The following PCDHA8 variants were observed in gnomAD, a reference collection of about 807,000 sequenced individuals.
PCDHA8 encodes protocadherin alpha-8.
A neutral mutation model predicts 61.8 loss-of-function variants in PCDHA8; 53 were observed. The observed-to-expected ratio is 0.86, with a 90% CI of 0.69 to 1.08. The LOEUF (loss-of-function observed/expected upper bound fraction) is 1.08. Among genes scored for constraint, PCDHA8 ranks in the 50% least tolerant of loss-of-function variants. The pLI, the probability that PCDHA8 is intolerant of heterozygous loss-of-function variation, is 0.00. For missense variants in PCDHA8, 1,293 were observed against 1,245.0 expected (o/e 1.04, Z -0.58); for synonymous variants, 618 against 556.6 (o/e 1.11, Z -1.55).
intron 3 of PCDHA8, among the ~76,000 whole-genome samples, chr5:140,991,132 TAA>T (rs1345264253): frequency 2.0e-5 from 3 of 152,230 alleles, no homozygotes; most frequent in Non-Finnish European, 4.4e-5. Flanking sequence ...ACACAGCTAG[TAA>T]AAATGTTTTT....
At position 140,853,718 on chromosome 5, in the gene PCDHA8, C is replaced by T. The variant is rs1472931739; in HGVS notation, c.2394+10003C>T. ...TGCTAACGCATTAGCATTAGCAGCA[C>T]CTAAGTCCTCATTGAATGTTCTGGT... is the stretch of plus-strand genomic sequence containing the variant. On this transcript the variant is annotated intron_variant, in intron 1 of 3. Transcript: ENST00000531613. 3 of 988,280 alleles carry T rather than the reference C, an allele frequency of 3.0e-6. No homozygotes were observed. The African/African-American group carries it at 5.3e-5, about 17-fold the overall frequency. 61.2% of individuals were successfully genotyped at this position (988,280 alleles called of 1,614,324 possible).
At chr5:140,981,849 T>C (rs1460050544) in intron 2 of PCDHA8, among the ~76,000 whole-genome samples, 2 of 152,202 alleles carry the variant, frequency 1.3e-5, no homozygotes, top group African/African-American at 4.8e-5. Flanking sequence ...AGTTTGTATC[T>C]CACTCCCAGC....
intron 1 of PCDHA8, among the ~76,000 whole-genome samples, chr5:140,954,580 T>C (rs1193569920): frequency 1.3e-5 from 2 of 152,174 alleles, no homozygotes; most frequent in African/African-American, 4.8e-5. Flanking sequence ...TTTTCAGAAG[T>C]GTCTGTTCAT....
rs2042381743 is a variant in PCDHA8 at position 140,852,581 on chromosome 5, T to A, written c.2394+8866T>A. ...GTGAGCCACTGTGCCAAGGCTTTTTTATTTTTTTTTTTTGTCATTTTCTTT... is the reference window on the plus strand; with the variant it reads ...GTGAGCCACTGTGCCAAGGCTTTTTAATTTTTTTTTTTTGTCATTTTCTTT... On this transcript the variant is annotated intron_variant, in intron 1 of 3. Transcript: ENST00000531613. 5 of 832,294 alleles carry A rather than the reference T, an allele frequency of 6.0e-6. 1 individual carries two copies. The highest frequency in any genetic ancestry group is 7.4e-6 in the Non-Finnish European group (5 of 678,338). 51.6% of individuals were successfully genotyped at this position (832,294 alleles called of 1,614,324 possible). A position where few individuals can be genotyped will look rare whatever the true frequency, so the allele number is the denominator to read the frequency against.
At position 140,850,869 on chromosome 5, in the gene PCDHA8, T is replaced by C. The variant is rs1204218607; in HGVS notation, c.2394+7154T>C. 3.3e-5 allele frequency: 52 copies of C among 1,591,956 alleles called. 5 individuals carry two copies. The highest frequency in any genetic ancestry group is 4.2e-5 in the Non-Finnish European group (49 of 1,163,508). ...AGAGCGAACGGGAGAACCCTCTGCT[T>C]CCTCAGATTCAACTGGGAAGGTGGG... On this transcript the variant is annotated intron_variant, in intron 1 of 3. Coordinates refer to ENST00000531613, the MANE Select transcript of PCDHA8 (RefSeq NM_018911.3).
intron 1 of PCDHA8, chr5:140,869,810 A>G: frequency 6.2e-7 from 1 of 1,612,624 alleles, no homozygotes; most frequent in South Asian, 1.1e-5. Context: ...TTGGATGTCA[A>G]CGACAATGAT....
chr5:140,943,831 A>T (rs1051741610), intron 1 of PCDHA8, among the ~76,000 whole-genome samples: 2 of 152,214 alleles, frequency 1.3e-5, no homozygotes, highest in African/African-American at 4.8e-5. Flanking sequence ...GAGTTGATTG[A>T]AGTTGTAAGA....
At chr5:140,871,536 A>G in intron 1 of PCDHA8, 1 of 1,507,188 alleles carries the variant, frequency 6.6e-7, no homozygotes, top group East Asian at 2.4e-5. Context: ...AGTGTATGTG[A>G]AATTATTTAA....
intron 1 of PCDHA8, among the ~76,000 whole-genome samples, chr5:140,944,325 T>C (rs1179163685): frequency 1.3e-5 from 2 of 152,196 alleles, no homozygotes; most frequent in East Asian, 3.9e-4. Context: ...GTAGCTGGGA[T>C]TACAAGCACG....
chr5:140,928,068 C>T (rs1554205429), intron 1 of PCDHA8: 2 of 1,614,214 alleles, frequency 1.2e-6, no homozygotes, highest in Non-Finnish European at 1.7e-6. Context: ...CTTCCTTTGA[C>T]AACTACTACA....
chr5:140,973,481 G>A (rs537904841), intron 1 of PCDHA8, among the ~76,000 whole-genome samples: 2 of 152,208 alleles, frequency 1.3e-5, no homozygotes, highest in East Asian at 3.9e-4. Context: ...ATTTCATATT[G>A]GTCACAGGAC....
intron 3 of PCDHA8, among the ~76,000 whole-genome samples, chr5:140,992,543 T>G (rs1226407687): frequency 6.6e-6 from 1 of 152,186 alleles, no homozygotes; most frequent in African/African-American, 2.4e-5. Flanking sequence ...CTGTCACAAG[T>G]GATGCCAGGA....
At chr5:140,870,388 G>A (rs1487402100) in intron 1 of PCDHA8, 5 of 1,614,232 alleles carry the variant, frequency 3.1e-6, no homozygotes, top group Non-Finnish European at 4.2e-6. Context: ...TGCGCGGGAT[G>A]GGGGTTCGCC....
chr5:140,966,885 C>A (rs1554228854), intron 1 of PCDHA8: 1 of 1,590,816 alleles, frequency 6.3e-7, no homozygotes, highest in Admixed American at 1.7e-5. Flanking sequence ...CCTGGCCCTG[C>A]GGCCTCCCAG....
intron 3 of PCDHA8, among the ~76,000 whole-genome samples, chr5:140,989,263 A>G (rs2097334941): frequency 6.6e-6 from 1 of 152,146 alleles, no homozygotes; most frequent in South Asian, 2.1e-4. Flanking sequence ...GGGAGATTCA[A>G]GTTTCTGCTG....
chr5:140,966,620 G>A lies in PCDHA8; in HGVS notation c.2395-12329G>A, dbSNP rs2096027901. 8 of 837,888 alleles carry A rather than the reference G, an allele frequency of 9.5e-6. No homozygotes were observed. The East Asian group carries it at 2.6e-4, about 27-fold the overall frequency. 51.9% of individuals were successfully genotyped at this position (837,888 alleles called of 1,614,324 possible). A position where few individuals can be genotyped will look rare whatever the true frequency, so the allele number is the denominator to read the frequency against. On this transcript the variant is annotated intron_variant, in intron 1 of 3. Transcript: ENST00000531613. ...GAGCCCTTGGGAGGGCCTACGGAGG[G>A]AGCGGCCCCAGGCGCTTTCTAGAGC...
chr5:140,881,218 T>G (rs997488208), intron 1 of PCDHA8: 10 of 230,756 alleles, frequency 4.3e-5, no homozygotes, highest in Non-Finnish European at 6.4e-5. Flanking sequence ...TGTTGTTTCT[T>G]GGAAAATTAA....
intron 1 of PCDHA8, chr5:140,857,268 T>C (rs1554149751): frequency 3.1e-6 from 5 of 1,598,704 alleles, no homozygotes; most frequent in Non-Finnish European, 3.4e-6. Flanking sequence ...TACTCATTGG[T>C]GCTGGACAGC....
chr5:140,853,924 T>G, intron 1 of PCDHA8: 1 of 905,060 alleles, frequency 1.1e-6, no homozygotes, highest in Non-Finnish European at 1.3e-6. Flanking sequence ...ATCCCAACAT[T>G]TTGGGAGGCC....
Sources: allele counts gnomAD v4.1 joint callset (sites outside exome capture counted in the v4.1 genomes callset), GRCh38; gene constraint gnomAD v4.1.1; transcripts MANE v1.5; gene names NCBI Gene and HGNC (gene_info 2026-07-23, HGNC 2026-07-21).